Variants in EFCAB5 observed in about 807,000 individuals in gnomAD.
EFCAB5 encodes the protein EF-hand calcium binding domain 5.
Under a neutral mutation model 167.9 loss-of-function variants are expected in EFCAB5, and 131 were observed. The ratio of observed to expected loss-of-function variants is 0.78; its 90% confidence interval spans 0.68 to 0.90. EFCAB5 has a LOEUF of 0.90. Among genes scored for constraint, EFCAB5 ranks in the 40% least tolerant of loss-of-function variants. The pLI is 0.00. For missense variants in EFCAB5, 1,663 were observed against 1,745.2 expected, an observed-to-expected ratio of 0.95 and a Z score of 0.84; for synonymous variants, 574 against 602.8, an observed-to-expected ratio of 0.95 and a Z score of 0.70.
intron 3 of EFCAB5, among the ~76,000 whole-genome samples, chr17:29,966,922 A>G (rs889177767): frequency 2.6e-5 from 4 of 151,918 alleles, no homozygotes; most frequent in Non-Finnish European, 4.4e-5. Context: ...TATATTTCCT[A>G]TATACAACAT....
chr17:29,980,808 T>A (rs1012985503), intron 4 of EFCAB5, among the ~76,000 whole-genome samples: 4 of 152,228 alleles, frequency 2.6e-5, no homozygotes, highest in African/African-American at 9.6e-5. Context: ...TCCCAGTACA[T>A]CCAACTATTT....
chr17:29,996,324 C>G lies in EFCAB5; in HGVS notation c.937C>G (p.Leu313Val). ...MIPKSVIQNV[L>V]QEFFQNPDFK... ...TTTTGAGTTGCAGATTCAGAATGTT[C>G]TTCAAGAATTCTTTCAAAATCCAGA... The change falls in exon 6 of 23, where the codon CTT (leucine) becomes GTT (valine). Residue 313 changes from leucine to valine, a missense_variant. Leu to Val is a conservative substitution (Grantham distance 32, BLOSUM62 1). Transcript: ENST00000394835. The G allele has an allele frequency of 6.4e-7, 1 of 1,550,638 alleles. No homozygotes were observed.
intron 19 of EFCAB5, among the ~76,000 whole-genome samples, chr17:30,087,917 A>G (rs920618458): frequency 1.3e-5 from 2 of 152,196 alleles, no homozygotes; most frequent in African/African-American, 4.8e-5. Context: ...CCAGCAGTGT[A>G]AAAGCGTTCC....
intron 1 of EFCAB5, among the ~76,000 whole-genome samples, chr17:29,931,070 C>CT (rs2067186544): frequency 6.6e-6 from 1 of 151,990 alleles, no homozygotes; most frequent in African/African-American, 2.4e-5. Context: ...AAATTGTCTG[C>CT]AGAACATAAG....
chr17:30,104,608 A>C (rs778611363), intron 22 of EFCAB5, among the ~76,000 whole-genome samples: 1 of 152,286 alleles, frequency 6.6e-6, no homozygotes, highest in Non-Finnish European at 1.5e-5. Flanking sequence ...TGCTTGAAAA[A>C]ATTGCAAAGT....
At chr17:30,045,507 A>C (rs1334594952) in intron 8 of EFCAB5, among the ~76,000 whole-genome samples, 5 of 151,778 alleles carry the variant, frequency 3.3e-5, no homozygotes, top group Admixed American at 3.3e-4. Flanking sequence ...GGGGATAATG[A>C]AAATGTTCTA....
At chr17:30,077,364 T>TGTGC (rs1238568166) in intron 14 of EFCAB5, among the ~76,000 whole-genome samples, 2 of 152,104 alleles carry the variant, frequency 1.3e-5, no homozygotes, top group Non-Finnish European at 2.9e-5. Context: ...GAAGTGTGTG[T>TGTGC]GCATATGCGT....
intron 7 of EFCAB5, among the ~76,000 whole-genome samples, chr17:30,033,707 G>C (rs1261467079): frequency 4.6e-5 from 7 of 152,136 alleles, no homozygotes; most frequent in Admixed American, 2.0e-4. Flanking sequence ...GAAGAGTATA[G>C]ACGTTTTCAG....
In EFCAB5 at chr17:30,080,784, C is replaced by T; in HGVS notation, c.3229C>T (p.His1077Tyr). 1 of 1,610,136 alleles carries T rather than the reference C, an allele frequency of 6.2e-7. No homozygotes were observed. Residue 1077 changes from histidine (H) to tyrosine (Y), a missense_variant, in exon 17 of 23, where the codon CAT becomes TAT. Physicochemically the swap from His to Tyr is moderately conservative, Grantham distance 83. Transcript: ENST00000394835. ...AGTAGTGGATGAAGGGAAGCCAATC[C>T]ATGTTCCCCAAGTTCAGTACCATGG... ...FTVVDEGKPIHVPQVQYHGNI... is the reference protein window; with the variant it reads ...FTVVDEGKPIYVPQVQYHGNI...
At chr17:29,939,079 T>A (rs1400941485), upstream of EFCAB5, among the ~76,000 whole-genome samples, 2 of 152,228 alleles carry the variant, frequency 1.3e-5, no homozygotes, top group Non-Finnish European at 2.9e-5. Flanking sequence ...AAGTTTAAAT[T>A]GGTCTTTGAT....
At chr17:29,930,289 G>A (rs2067169229) in intron 1 of EFCAB5, 2 of 476,940 alleles carry the variant, frequency 4.2e-6, no homozygotes, top group South Asian at 2.6e-5. Context: ...GGCGCGCGCC[G>A]CCGCCTGGTC....
intron 18 of EFCAB5, among the ~76,000 whole-genome samples, chr17:30,085,441 T>C (rs2071067406): frequency 6.6e-6 from 1 of 152,314 alleles, no homozygotes; most frequent in African/African-American, 2.4e-5. Flanking sequence ...TGTGAGTATG[T>C]CAGTTTACAT....
chr17:30,047,148 A>G (rs942792541), intron 8 of EFCAB5, among the ~76,000 whole-genome samples: 3 of 152,200 alleles, frequency 2.0e-5, no homozygotes, highest in Non-Finnish European at 4.4e-5. Flanking sequence ...GATTAAATAA[A>G]ACCTTGACTC....
intron 3 of EFCAB5, among the ~76,000 whole-genome samples, chr17:29,944,154 C>A (rs186986557): frequency 6.6e-6 from 1 of 152,132 alleles, no homozygotes; most frequent in Non-Finnish European, 1.5e-5. Flanking sequence ...TAGTTCACTG[C>A]AGATTCAAAG....
At chr17:30,096,677 A>ATATTTTTTTT (rs1193558323) in intron 22 of EFCAB5, among the ~76,000 whole-genome samples, 10 of 60,120 alleles carry the variant, frequency 1.7e-4, no homozygotes, top group African/African-American at 8.4e-4. Context: ...ATATATATAT[A>ATATTTTTTTT]TTTTTTTTTT....
At chr17:30,054,913 C>T (rs572746421) in intron 10 of EFCAB5, among the ~76,000 whole-genome samples, 1 of 152,198 alleles carries the variant, frequency 6.6e-6, no homozygotes, top group South Asian at 2.1e-4. Flanking sequence ...CTTTATTTTA[C>T]CTAATAATGG....
At chr17:29,984,522 A>C (rs549210897) in intron 4 of EFCAB5, among the ~76,000 whole-genome samples, 1 of 152,202 alleles carries the variant, frequency 6.6e-6, no homozygotes, top group Non-Finnish European at 1.5e-5. Flanking sequence ...GATTGAGACC[A>C]GCCTGGCCAA....
At chr17:29,988,127 T>C (rs899226758) in intron 4 of EFCAB5, among the ~76,000 whole-genome samples, 10 of 152,166 alleles carry the variant, frequency 6.6e-5, no homozygotes, top group African/African-American at 2.4e-4. Flanking sequence ...GGTTAAATTG[T>C]GAAAGTGTCT....
At chr17:29,937,926 C>G (rs1033864827), upstream of EFCAB5, among the ~76,000 whole-genome samples, 1 of 152,162 alleles carries the variant, frequency 6.6e-6, no homozygotes, top group Non-Finnish European at 1.5e-5. Flanking sequence ...TTCCTTTTCC[C>G]TAGCACAAAG....
Sources: allele counts gnomAD v4.1 joint callset (sites outside exome capture counted in the v4.1 genomes callset), GRCh38; gene constraint gnomAD v4.1.1; transcripts MANE v1.5; gene names NCBI Gene and HGNC (gene_info 2026-07-23, HGNC 2026-07-21).